EEF1B2: variants seen among roughly 807,000 people sequenced by gnomAD.
The protein encoded by EEF1B2 is eukaryotic translation elongation factor 1 beta 2, also known as elongation factor 1-beta.
In EEF1B2, 12 loss-of-function variants were observed where a neutral mutation model predicts 28.3. The observed-to-expected ratio is 0.42, with a 90% CI of 0.27 to 0.69. The LOEUF is 0.69. EEF1B2 is among the 30% of genes least tolerant of loss of function. The pLI is 0.22. For missense variants in EEF1B2, 234 were observed against 272.6 expected (o/e 0.86, Z 1.00); for synonymous variants, 83 against 99.9 (o/e 0.83, Z 1.01).
intron 4 of EEF1B2, 38 bp from the exon 5 acceptor site, chr2:206,162,451 C>A (rs1325906788): frequency 1.9e-6 from 3 of 1,608,832 alleles, no homozygotes; most frequent in African/African-American, 1.3e-5. Flanking sequence ...GAAAAAAATA[C>A]AATTCATTAT....
At chr2:206,162,182 T>C in intron 4 of EEF1B2, 78 bp downstream of exon 4, 1 of 1,411,090 alleles carries the variant, frequency 7.1e-7, no homozygotes, top group Admixed American at 1.7e-5. Context: ...AGTAATTTCC[T>C]CCACATTCCT....
At chr2:206,161,695 AG>A in intron 3 of EEF1B2, 1 of 545,908 alleles carries the variant, frequency 1.8e-6, no homozygotes, top group East Asian at 3.6e-5. Flanking sequence ...GCTTGAACCT[AG>A]GAAGCGGAGG....
chr2:206,160,753 C>T (rs1324725439), intron 2 of EEF1B2, 43 bp downstream of exon 2: 9 of 1,613,380 alleles, frequency 5.6e-6, no homozygotes, highest in South Asian at 1.1e-5. Context: ...AGACTGCTCT[C>T]GAAGTTTATC....
chr2:206,161,924 TC>T, intron 3 of EEF1B2, 113 bp from the exon 4 acceptor site: 1 of 876,238 alleles, frequency 1.1e-6, no homozygotes. Context: ...TCGGCTGAGT[TC>T]GTGATGGATT....
chr2:206,162,845 G>T lies in EEF1B2; in HGVS notation c.640G>T (p.Val214Leu), dbSNP rs746171124. 1 of 1,601,724 alleles carries T rather than the reference G, an allele frequency of 6.2e-7. No individual in the cohort carries two copies. Among genetic ancestry groups the T allele is most frequent in the South Asian group, 1.1e-5 (1 of 90,798 alleles). ...EEQITAFEDY[V>L]QSMDVAAFNK... ...GCAGATCACTGCTTTTGAGGACTAT[G>T]TGCAGTCCATGGATGTGGCTGCTTT... Residue 214 changes from valine (V) to leucine (L), a missense_variant, in exon 6 of 6, where the codon GTG (valine) becomes TTG (leucine). By Grantham distance (32) the Val-to-Leu change is conservative (BLOSUM62 1). Around this residue, in one of 2 missense-constraint regions of EEF1B2, gnomAD observed 56 missense variants for 99.3 expected, o/e 0.56. Transcript: ENST00000392222.
In EEF1B2 at chr2:206,161,471, A is replaced by T. The variant is rs1178162075; in HGVS notation, c.329A>T (p.Glu110Val). 1 of 1,613,622 alleles carries T rather than the reference A, an allele frequency of 6.2e-7. No homozygotes were observed. Among genetic ancestry groups the T allele is most frequent in the East Asian group, 2.2e-5 (1 of 44,864 alleles). ...DIDLFGSDDE[E>V]ESEEAKRLRE... ...GACCTCTTTGGATCTGATGATGAGGAGGTATGGCGTCTTCTATAAAGAACA... is the reference window on the plus strand; with the variant it reads ...GACCTCTTTGGATCTGATGATGAGGTGGTATGGCGTCTTCTATAAAGAACA... Residue 110 changes from glutamate to valine, a missense_variant and splice_region_variant, in exon 3 of 6, where the codon GAG becomes GTG. This residue lies in a region of EEF1B2 where 178 missense variants were observed against 173.3 expected (regional missense o/e 1.03). Transcript: ENST00000392222.
chr2:206,160,580 C>G lies in EEF1B2; in HGVS notation c.81-8C>G. Reference sequence around the variant, plus strand: ...AGGTGTGTGTGAATGTTTCTGTGTCCTTGGCAGGTATGTGCCATCACAAGC... The same window carrying G: ...AGGTGTGTGTGAATGTTTCTGTGTCGTTGGCAGGTATGTGCCATCACAAGC... On this transcript the variant is annotated splice_region_variant and splice_polypyrimidine_tract_variant and intron_variant, in intron 1 of 5. Transcript: ENST00000392222. 6.2e-7 allele frequency: 1 copy of G among 1,613,958 alleles called. No homozygotes were observed. Among genetic ancestry groups the G allele is most frequent in the Non-Finnish European group, 8.5e-7 (1 of 1,179,984 alleles).
At chr2:206,161,263 G>C (rs986288060) in intron 2 of EEF1B2, 83 bp from the exon 3 acceptor site, 2 of 1,573,526 alleles carry the variant, frequency 1.3e-6, no homozygotes, top group Non-Finnish European at 1.7e-6. Context: ...GTGATAAGTA[G>C]TGATTAAAAC....
rs770194410 is a variant in EEF1B2, at chr2:206,159,972, C to G, written c.-8C>G. 2 of 1,611,352 alleles carry G rather than the reference C, an allele frequency of 1.2e-6. No individual in the cohort carries two copies. The highest frequency in any genetic ancestry group is 2.2e-5 in the South Asian group (2 of 90,950). ...GCTGCTCCCCAGCTCTCGGATACAG[C>G]CGACACCATGGGTTTCGGAGACCTG... is the stretch of plus-strand genomic sequence containing the variant. On this transcript the variant is annotated 5_prime_UTR_variant, in exon 1 of 6. Transcript: ENST00000392222.
chr2:206,159,716 T>C, upstream of EEF1B2: 1 of 369,678 alleles, frequency 2.7e-6, no homozygotes, highest in Non-Finnish European at 4.9e-6. Context: ...ATTTTATTAA[T>C]TTACTTCCAA....
At chr2:206,162,353 G>T in intron 4 of EEF1B2, 136 bp from the exon 5 acceptor site, 1 of 1,420,756 alleles carries the variant, frequency 7.0e-7, no homozygotes, top group South Asian at 1.2e-5. Flanking sequence ...ATGTGTGACA[G>T]ACACAAGATG....
At chr2:206,162,168 T>C in intron 4 of EEF1B2, 64 bp downstream of exon 4, 1 of 1,501,190 alleles carries the variant, frequency 6.7e-7, no homozygotes, top group Non-Finnish European at 9.3e-7. Context: ...AAGCTTGACC[T>C]TGAAGTAATT....
At chr2:206,160,947 C>T in intron 2 of EEF1B2, 1 of 735,998 alleles carries the variant, frequency 1.4e-6, no homozygotes, top group Non-Finnish European at 2.4e-6. Flanking sequence ...TGTGCCTCGA[C>T]CTTGACCTGG....
rs374002370 is a variant in EEF1B2 at position 206,162,854 on chromosome 2, A to G, written c.649A>G (p.Met217Val). The G allele has an allele frequency of 3.8e-6, 6 of 1,597,906 alleles. No homozygotes were observed. The highest frequency in any genetic ancestry group is 2.5e-6 in the Non-Finnish European group (3 of 1,178,818). The change falls in exon 6 of 6, where the codon ATG (methionine) becomes GTG (valine). Residue 217 changes from methionine (M) to valine (V), a missense_variant. By Grantham distance (21) the Met-to-Val change is conservative (BLOSUM62 1). This residue lies in a region of EEF1B2 where 56 missense variants were observed against 99.3 expected (regional missense o/e 0.56). Coordinates refer to ENST00000392222, the MANE Select transcript of EEF1B2 (RefSeq NM_001959.4). Reference protein sequence around the residue: ...ITAFEDYVQSMDVAAFNKI With the variant: ...ITAFEDYVQSVDVAAFNKI ...TGCTTTTGAGGACTATGTGCAGTCCATGGATGTGGCTGCTTTCAACAAGAT... is the reference window on the plus strand; with the variant it reads ...TGCTTTTGAGGACTATGTGCAGTCCGTGGATGTGGCTGCTTTCAACAAGAT...
intron 3 of EEF1B2, 107 bp from the exon 4 acceptor site, chr2:206,161,927 TGATG>T: frequency 1.1e-6 from 1 of 892,506 alleles, no homozygotes; most frequent in Non-Finnish European, 1.9e-6. Context: ...GCTGAGTTCG[TGATG>T]GATTTGCTTT....
Position 206,161,442 on chromosome 2 carries a change from C to T in EEF1B2, c.300C>T (p.Asp100=), listed in dbSNP as rs1687928131. The T allele has an allele frequency of 1.2e-6, 2 of 1,613,754 alleles. No individual in the cohort carries two copies. The highest frequency in any genetic ancestry group is 1.3e-5 in the African/African-American group (1 of 74,894). ...SGATDSKDDD[D]IDLFGSDDEE... is the part of the protein sequence containing the mutation. ...CTACAGATAGTAAAGATGATGATGA[C>T]ATTGACCTCTTTGGATCTGATGATG... The change falls in exon 3 of 6, where the codon GAC becomes GAT. Residue 100 remains aspartate (D), a synonymous_variant. Transcript: ENST00000392222.
At chr2:206,161,792 C>G (rs1345318469) in intron 3 of EEF1B2, 9 of 648,884 alleles carry the variant, frequency 1.4e-5, no homozygotes, top group South Asian at 1.1e-4. Context: ...AAGAATACAT[C>G]GATCAGCAAT....
In EEF1B2 at chr2:206,161,540, T is replaced by C. The variant is rs546323595; in HGVS notation, c.330+68T>C. On this transcript the variant is annotated intron_variant, in intron 3 of 5. Coordinates refer to ENST00000392222, the MANE Select transcript of EEF1B2 (RefSeq NM_001959.4). Reference sequence around the variant, plus strand: ...GCTCATGCCTGTAATCCCAGCATGTTGGGAGGCTGAGGCGGGTGGATCACG... The same window carrying C: ...GCTCATGCCTGTAATCCCAGCATGTCGGGAGGCTGAGGCGGGTGGATCACG... 5.0e-6 allele frequency: 8 copies of C among 1,595,708 alleles called. No homozygotes were observed. The East Asian group carries it at 1.8e-4, about 36-fold the overall frequency.
intron 4 of EEF1B2, 47 bp downstream of exon 4, chr2:206,162,151 T>C: frequency 6.4e-7 from 1 of 1,569,448 alleles, no homozygotes; most frequent in Non-Finnish European, 8.8e-7. Context: ...GTAAGTAATC[T>C]TTTTCAAAGC....
Sources: gnomAD v4.1 joint callset for allele counts on GRCh38, gnomAD v4.1.1 for gene constraint, gnomAD v4.1.1 regional missense constraint, MANE v1.5 for transcripts, NCBI Gene and HGNC (gene_info 2026-07-23, HGNC 2026-07-21) for gene names.